RBFOX1: variants seen among roughly 807,000 people sequenced by gnomAD.
RBFOX1 encodes the protein RNA binding protein fox-1 homolog 1.
In RBFOX1, 8 loss-of-function variants were observed where a neutral mutation model predicts 57.7. The observed-to-expected ratio is 0.14, with a 90% CI of 0.08 to 0.25. The LOEUF (loss-of-function observed/expected upper bound fraction) is 0.25. Ranked by LOEUF, RBFOX1 falls within the 10% of genes least tolerant of loss-of-function variation. RBFOX1 has a pLI of 1.00. For synonymous variants in RBFOX1, 326 were observed against 222.4 expected (o/e 1.47, Z -4.15); for missense variants, 611 against 548.5 (o/e 1.11, Z -1.14).
chr16:6,976,984 A>G (rs556330371), intron 3 of RBFOX1, among the ~76,000 whole-genome samples: 3 of 147,318 alleles, frequency 2.0e-5, no homozygotes, highest in Middle Eastern at 3.3e-3. Flanking sequence ...CACATATCAT[A>G]TATATCACAT....
At chr16:6,961,165 A>ACACACACACAC (rs1461621694) in intron 3 of RBFOX1, among the ~76,000 whole-genome samples, 6 of 150,694 alleles carry the variant, frequency 4.0e-5, no homozygotes, top group South Asian at 2.1e-4. Context: ...ACACACACGC[A>ACACACACACAC]AAAGAAAGAA....
At chr16:5,317,469 C>T (rs945380056) in intron 1 of RBFOX1, among the ~76,000 whole-genome samples, 2 of 152,120 alleles carry the variant, frequency 1.3e-5, no homozygotes, top group African/African-American at 4.8e-5. Flanking sequence ...ATTAGTTGGG[C>T]GTGGTGGCGC....
chr16:7,351,575 T>C (rs1448051271), intron 4 of RBFOX1, among the ~76,000 whole-genome samples: 1 of 152,240 alleles, frequency 6.6e-6, no homozygotes, highest in African/African-American at 2.4e-5. Context: ...CAGTTAATGA[T>C]GGTGCGGTGG....
intron 3 of RBFOX1, among the ~76,000 whole-genome samples, chr16:6,933,310 G>A (rs971669927): frequency 1.1e-4 from 16 of 152,148 alleles, no homozygotes; most frequent in Admixed American, 5.9e-4. Flanking sequence ...TTTAGTAACC[G>A]ACATACTCTT....
intron 3 of RBFOX1, among the ~76,000 whole-genome samples, chr16:6,863,603 T>A (rs2059381592): frequency 6.7e-6 from 1 of 150,186 alleles, no homozygotes; most frequent in Non-Finnish European, 1.5e-5. Context: ...GCCATTTTTA[T>A]CTTCTTTGTC....
intron 3 of RBFOX1, among the ~76,000 whole-genome samples, chr16:5,786,494 T>C (rs1042336364): frequency 6.6e-6 from 1 of 152,190 alleles, no homozygotes; most frequent in South Asian, 2.1e-4. Flanking sequence ...GATAAGGAGA[T>C]GTGCCGTGTG....
intron 3 of RBFOX1, among the ~76,000 whole-genome samples, chr16:5,723,281 C>G (rs962411235): frequency 1.3e-5 from 2 of 152,208 alleles, no homozygotes; most frequent in African/African-American, 2.4e-5. Context: ...AGTCCATTTT[C>G]TCATTCGTCT....
chr16:6,233,972 A>T (rs1343947084), intron 1 of RBFOX1, among the ~76,000 whole-genome samples: 2 of 152,210 alleles, frequency 1.3e-5, no homozygotes, highest in African/African-American at 4.8e-5. Context: ...GAAGTCCAAG[A>T]TCGAGGCAAT....
chr16:6,314,015 T>C (rs1458387096), intron 1 of RBFOX1, among the ~76,000 whole-genome samples: 1 of 152,184 alleles, frequency 6.6e-6, no homozygotes, highest in Non-Finnish European at 1.5e-5. Flanking sequence ...GGAGGGGCTA[T>C]AAAATTCATT....
chr16:5,391,577 G>A (rs1294579590), intron 1 of RBFOX1, among the ~76,000 whole-genome samples: 1 of 152,064 alleles, frequency 6.6e-6, no homozygotes, highest in Non-Finnish European at 1.5e-5. Context: ...AGTTCTGGAA[G>A]CCAAGGCTCT....
intron 4 of RBFOX1, among the ~76,000 whole-genome samples, chr16:5,975,540 T>C (rs1764244825): frequency 6.6e-6 from 1 of 152,194 alleles, no homozygotes; most frequent in South Asian, 2.1e-4. Flanking sequence ...TTTTCCCCTT[T>C]ATAAGCTGTT....
At chr16:7,324,146 G>A (rs948468748) in intron 4 of RBFOX1, among the ~76,000 whole-genome samples, 1 of 152,134 alleles carries the variant, frequency 6.6e-6, no homozygotes, top group South Asian at 2.1e-4. Context: ...ATTTGTCCGT[G>A]GTGTCCTTTT....
intron 4 of RBFOX1, among the ~76,000 whole-genome samples, chr16:7,478,684 C>T (rs1003157623): frequency 6.6e-6 from 1 of 152,154 alleles, no homozygotes; most frequent in Non-Finnish European, 1.5e-5. Context: ...CAACAAAAAC[C>T]TCAACCTCTG....
chr16:6,821,472 A>C (rs1283868651), intron 3 of RBFOX1, among the ~76,000 whole-genome samples: 1 of 152,192 alleles, frequency 6.6e-6, no homozygotes, highest in Non-Finnish European at 1.5e-5. Context: ...ATGTTGTGCA[A>C]CTACCACCTT....
intron 3 of RBFOX1, among the ~76,000 whole-genome samples, chr16:5,632,745 G>A (rs2048556502): frequency 1.3e-5 from 2 of 152,106 alleles, no homozygotes; most frequent in Non-Finnish European, 2.9e-5. Context: ...TCCCGCACAT[G>A]CTGCTGTGAT....
At chr16:6,929,527 G>A (rs923526120) in intron 3 of RBFOX1, among the ~76,000 whole-genome samples, 19 of 152,152 alleles carry the variant, frequency 1.2e-4, no homozygotes, top group Admixed American at 1.2e-3. Flanking sequence ...ATTTTCAGAA[G>A]GCTTAAAAAT....
intron 2 of RBFOX1, among the ~76,000 whole-genome samples, chr16:5,540,038 A>G (rs1017335970): frequency 2.6e-5 from 4 of 152,176 alleles, no homozygotes; most frequent in Admixed American, 6.5e-5. Context: ...ATTTCTGCCA[A>G]TCTTCTGGGA....
chr16:6,174,192 T>G lies in RBFOX1; in HGVS notation c.-126-142803T>G, dbSNP rs138404459. Among the ~76,000 whole-genome samples, 360 of 152,354 alleles carry G rather than the reference T, an allele frequency of 2.4e-3. 1 individual carries two copies. The highest frequency in any genetic ancestry group is 3.9e-3 in the Non-Finnish European group (266 of 68,034). The stretch of plus-strand genomic sequence containing the variant: ...CTTTGCCTTTATTCCTCGAATTTGC[T>G]GGTTTTTTGGTTTCAGACTGAGTGG... On this transcript the variant is annotated intron_variant, in intron 1 of 15. Transcript: ENST00000550418.
chr16:7,051,921 A>C, intron 3 of RBFOX1, 136 bp from the exon 4 acceptor site: 1 of 1,365,702 alleles, frequency 7.3e-7, no homozygotes, highest in Non-Finnish European at 9.9e-7. Flanking sequence ...GTAGACCTAA[A>C]GAAAAATTAA....
Sources: gnomAD v4.1 joint callset for allele counts (sites outside exome capture counted in the v4.1 genomes callset) on GRCh38, gnomAD v4.1.1 for gene constraint, MANE v1.5 for transcripts, NCBI Gene and HGNC (gene_info 2026-07-23, HGNC 2026-07-21) for gene names.